The following PKN2 variants were observed in gnomAD, a reference collection of about 807,000 sequenced individuals.
PKN2 encodes protein kinase N2, also known as serine/threonine-protein kinase N2.
Under a neutral mutation model 119.1 loss-of-function variants are expected in PKN2, and 38 were observed. The observed-to-expected ratio is 0.32, with a 90% CI of 0.25 to 0.42. The LOEUF (loss-of-function observed/expected upper bound fraction) is 0.42. PKN2 is among the 10% of genes least tolerant of loss of function. The probability of loss-of-function intolerance (pLI) is 1.00; values close to 1 mark genes in which losing one functional copy is unlikely to be tolerated. For missense variants in PKN2, 850 were observed against 1,165.1 expected, an observed-to-expected ratio of 0.73 and a Z score of 3.94; for synonymous variants, 390 against 384.9, an observed-to-expected ratio of 1.01 and a Z score of -0.15.
chr1:88,696,046 G>C (rs1273417049), intron 1 of PKN2, among the ~76,000 whole-genome samples: 1 of 152,076 alleles, frequency 6.6e-6, no homozygotes, highest in East Asian at 1.9e-4. Flanking sequence ...TACTGCTCCA[G>C]CTTCCTGAAA....
chr1:88,756,158 A>G (rs1669190672), intron 2 of PKN2, among the ~76,000 whole-genome samples: 1 of 152,066 alleles, frequency 6.6e-6, no homozygotes, highest in Non-Finnish European at 1.5e-5. Context: ...GGCCTCCCAA[A>G]GTGCTGGGAT....
intron 1 of PKN2, among the ~76,000 whole-genome samples, chr1:88,740,661 A>G (rs1315822557): frequency 6.6e-6 from 1 of 152,156 alleles, no homozygotes; most frequent in East Asian, 1.9e-4. Flanking sequence ...TTCACAGTGT[A>G]GGGGTTGGGA....
chr1:88,689,477 A>G (rs1666245322), intron 1 of PKN2, among the ~76,000 whole-genome samples: 1 of 152,176 alleles, frequency 6.6e-6, no homozygotes, highest in Non-Finnish European at 1.5e-5. Flanking sequence ...GCCTTTTTTA[A>G]TCTCAAAATA....
chr1:88,833,451 T>TC lies in PKN2; in HGVS notation c.*3_*4insC, dbSNP rs1672814327. 1.2e-6 allele frequency: 2 copies of TC among 1,611,236 alleles called. No individual in the cohort carries two copies. The highest frequency in any genetic ancestry group is 2.7e-5 in the African/African-American group (2 of 74,816). ...ACTACATTGCTGATTGGTGTTAAGT[T>TC]GCTAGACACTGCGAAACCAAGCTGA... On this transcript the variant is annotated 3_prime_UTR_variant, in exon 22 of 22. Coordinates refer to ENST00000370521, the MANE Select transcript of PKN2 (RefSeq NM_006256.4).
intron 8 of PKN2, among the ~76,000 whole-genome samples, chr1:88,796,351 C>G (rs1671063683): frequency 6.6e-6 from 1 of 152,044 alleles, no homozygotes; most frequent in African/African-American, 2.4e-5. Context: ...CCAATCCCTA[C>G]CCCTCCTTAC....
At chr1:88,781,039 A>G in intron 6 of PKN2, 1 of 1,013,238 alleles carries the variant, frequency 9.9e-7, no homozygotes, top group Non-Finnish European at 1.2e-6. Context: ...TTCTTAAGAC[A>G]TTTTTAAAAA....
At chr1:88,781,414 A>ACAGCTACTCGGGAGGCTGAGGCTG (rs1557606851) in intron 6 of PKN2, among the ~76,000 whole-genome samples, 1 of 151,872 alleles carries the variant, frequency 6.6e-6, no homozygotes, top group African/African-American at 2.4e-5. Context: ...ATACTGAATT[A>ACAGCTACTCGGGAGGCTGAGGCTG]GTGAAATAGG....
chr1:88,736,373 T>C (rs1204159903), intron 1 of PKN2, among the ~76,000 whole-genome samples: 2 of 152,130 alleles, frequency 1.3e-5, no homozygotes, highest in Non-Finnish European at 2.9e-5. Flanking sequence ...AAATTTTTTT[T>C]TTTTGAGACA....
At position 88,833,098 on chromosome 1, in the gene PKN2, C is replaced by T. The variant is rs924904381; in HGVS notation, c.2692C>T (p.Arg898Trp). The T allele has an allele frequency of 3.7e-6, 6 of 1,612,208 alleles. No homozygotes were observed. The highest frequency in any genetic ancestry group is 5.1e-6 in the Non-Finnish European group (6 of 1,179,122). ...MRRLLRRNPERRLGASEKDAE... is the reference protein window; with the variant it reads ...MRRLLRRNPEWRLGASEKDAE... ...CTAGCTGTTAAGAAGAAATCCTGAA[C>T]GGCGCCTTGGGGCTAGCGAGAAAGA... The change falls in exon 21 of 22, where the codon CGG (arginine) becomes TGG (tryptophan). Residue 898 changes from arginine to tryptophan, a missense_variant. Physicochemically the swap from Arg to Trp is moderately radical, Grantham distance 101. Around this residue, in one of 9 missense-constraint regions of PKN2, gnomAD observed 95 missense variants for 150.2 expected, o/e 0.63. Transcript: ENST00000370521.
intron 1 of PKN2, among the ~76,000 whole-genome samples, chr1:88,694,581 A>G (rs1350269271): frequency 4.6e-5 from 7 of 152,184 alleles, no homozygotes; most frequent in African/African-American, 1.7e-4. Context: ...TAGACATCCT[A>G]TGCAAGTTTT....
intron 6 of PKN2, among the ~76,000 whole-genome samples, chr1:88,780,325 A>G (rs549864096): frequency 6.6e-6 from 1 of 152,198 alleles, no homozygotes; most frequent in South Asian, 2.1e-4. Flanking sequence ...ACTATAAGGT[A>G]TATCTTTTGG....
chr1:88,770,057 TG>T (rs1669819061), intron 3 of PKN2, among the ~76,000 whole-genome samples: 1 of 152,196 alleles, frequency 6.6e-6, no homozygotes, highest in African/African-American at 2.4e-5. Context: ...CAAAACATCA[TG>T]TACACTGCAA....
chr1:88,778,875 A>G (rs1435225711), intron 6 of PKN2, among the ~76,000 whole-genome samples: 1 of 151,948 alleles, frequency 6.6e-6, no homozygotes, highest in Non-Finnish European at 1.5e-5. Context: ...CACCATGCCT[A>G]GCTAATTTTT....
intron 1 of PKN2, among the ~76,000 whole-genome samples, chr1:88,693,756 A>G (rs1017094109): frequency 6.6e-6 from 1 of 152,176 alleles, no homozygotes; most frequent in Non-Finnish European, 1.5e-5. Context: ...CAGCATTATT[A>G]AAGGACCTGA....
intron 8 of PKN2, among the ~76,000 whole-genome samples, chr1:88,789,456 A>T (rs1048217061): frequency 1.3e-5 from 2 of 152,056 alleles, no homozygotes; most frequent in Non-Finnish European, 2.9e-5. Context: ...TGAGTTCAGG[A>T]GTTCAAGACC....
rs1203704231 is a variant in PKN2 at position 88,820,179 on chromosome 1, CCTATATATATAT to C, written c.2280-1761_2280-1750del. 3.2e-4 allele frequency among the ~76,000 whole-genome samples: 21 copies of C among 65,472 alleles called. No individual in the cohort carries two copies. In the East Asian group the frequency reaches 6.9e-3, roughly 21 times the overall value. The allele number at this position is 65,472 out of a possible 152,430, so 43.0% of individuals were successfully genotyped here. ...TAAATCAAACAAATCTTTTCAGAAA[CCTATATATATAT>C]ATATATATATATATATATATATATA... On this transcript the variant is annotated intron_variant, in intron 16 of 21. Transcript: ENST00000370521.
chr1:88,700,147 G>A (rs1666719846), intron 1 of PKN2, among the ~76,000 whole-genome samples: 1 of 151,962 alleles, frequency 6.6e-6, no homozygotes, highest in Admixed American at 6.6e-5. Context: ...TATCTAGTCT[G>A]CCATTGATGG....
At chr1:88,797,005 G>A (rs962642370) in intron 8 of PKN2, among the ~76,000 whole-genome samples, 1 of 151,166 alleles carries the variant, frequency 6.6e-6, no homozygotes, top group Admixed American at 6.6e-5. Flanking sequence ...AATAGATACA[G>A]GTCAGAATCT....
intron 19 of PKN2, among the ~76,000 whole-genome samples, chr1:88,830,727 A>C (rs946265668): frequency 1.3e-5 from 2 of 152,098 alleles, no homozygotes; most frequent in African/African-American, 4.8e-5. Context: ...TAATTGATTG[A>C]GCTCTTAATT....
Sources: allele counts gnomAD v4.1 joint callset (sites outside exome capture counted in the v4.1 genomes callset), GRCh38; gene constraint gnomAD v4.1.1; regional missense constraint gnomAD v4.1.1; transcripts MANE v1.5; gene names NCBI Gene and HGNC (gene_info 2026-07-23, HGNC 2026-07-21).